Variants in CNTFR observed in about 807,000 individuals in gnomAD.
The protein encoded by CNTFR is ciliary neurotrophic factor receptor subunit alpha.
Under a neutral mutation model 40.4 loss-of-function variants are expected in CNTFR, and 12 were observed. The observed-to-expected ratio is 0.30, with a 90% CI of 0.19 to 0.48. CNTFR has a LOEUF of 0.48. Among genes scored for constraint, CNTFR ranks in the 20% least tolerant of loss-of-function variants. The probability of loss-of-function intolerance (pLI) is 0.99; values close to 1 mark genes in which losing one functional copy is unlikely to be tolerated. For missense variants in CNTFR, 414 were observed against 506.8 expected (o/e 0.82, Z 1.76); for synonymous variants, 202 against 209.6 (o/e 0.96, Z 0.31).
intron 2 of CNTFR, among the ~76,000 whole-genome samples, chr9:34,579,415 G>C (rs531421480): frequency 2.6e-5 from 4 of 152,134 alleles, no homozygotes; most frequent in South Asian, 2.1e-4. Context: ...GAGAAGGAGG[G>C]GGGTGGAGAG....
intron 3 of CNTFR, 36 bp downstream of exon 3, chr9:34,568,861 G>C: frequency 6.5e-7 from 1 of 1,544,050 alleles, no homozygotes; most frequent in Non-Finnish European, 8.8e-7. Flanking sequence ...CCAGCTCTGA[G>C]AGGGGGGTCA....
chr9:34,557,539 G>T lies in CNTFR; in HGVS notation c.591C>A (p.Asp197Glu), dbSNP rs781018193. The stretch of plus-strand genomic sequence containing the variant: ...CGCCACACGTACCAATGGTGAACTC[G>T]TCAAAGGTGATAGCTGTGGCATTGT... ...LGHNATAITF[D>E]EFTIVKPDPP... Residue 197 changes from aspartate (D) to glutamate (E), a missense_variant, in exon 6 of 10, where the codon GAC (aspartate) becomes GAA (glutamate). Coordinates refer to ENST00000378980, the MANE Select transcript of CNTFR (RefSeq NM_147164.3). The surrounding 1 kb of genome is among the most constrained non-coding windows in gnomAD (Gnocchi z 4.2). 1 of 1,614,110 alleles carries T rather than the reference G, an allele frequency of 6.2e-7. No individual in the cohort carries two copies. The highest frequency in any genetic ancestry group is 8.5e-7 in the Non-Finnish European group (1 of 1,179,974).
In CNTFR at chr9:34,552,131, C is replaced by A. The variant is rs776377706; in HGVS notation, c.1118+30G>T. 8.2e-6 allele frequency: 13 copies of A among 1,591,570 alleles called. No homozygotes were observed. In the East Asian group the frequency reaches 2.5e-4, roughly 31 times the overall value. ...GCTGGAGTGGGGGTTCCCTCAGGCT[C>A]CCTCTGCCACCCAGCCTCACTCAAC... On this transcript the variant is annotated intron_variant, in intron 9 of 9. Coordinates refer to ENST00000378980, the MANE Select transcript of CNTFR (RefSeq NM_147164.3). This position sits in a 1 kb window ranked among gnomAD's most constrained non-coding sequence, Gnocchi z 5.1.
Position 34,565,096 on chromosome 9 carries a change from T to G in CNTFR, c.86-264A>C, listed in dbSNP as rs139973863. Among the ~76,000 whole-genome samples the G allele has an allele frequency of 5.9e-3, 902 of 152,194 alleles. 2 individuals carry two copies. Among genetic ancestry groups the G allele is most frequent in the Middle Eastern group, 0.034 (10 of 294 alleles). On this transcript the variant is annotated intron_variant, in intron 3 of 9. Transcript: ENST00000378980. ...ATGTGAATGGGCGATCTTCTGTGTG[T>G]GTGTGTTTGCATGTGACAGAGAGTT...
chr9:34,555,781 C>T (rs1364035843), intron 7 of CNTFR, among the ~76,000 whole-genome samples: 1 of 152,030 alleles, frequency 6.6e-6, no homozygotes, highest in Non-Finnish European at 1.5e-5. Flanking sequence ...CGTTCCTGTC[C>T]CTTGGGGCCA....
chr9:34,585,232 G>T (rs1237425903), intron 1 of CNTFR, among the ~76,000 whole-genome samples: 1 of 152,184 alleles, frequency 6.6e-6, no homozygotes, highest in Non-Finnish European at 1.5e-5. Context: ...CCCAGTCCTT[G>T]AGTCACGTAG....
intron 4 of CNTFR, among the ~76,000 whole-genome samples, chr9:34,562,679 AC>A (rs1265910550): frequency 6.6e-6 from 1 of 152,180 alleles, no homozygotes; most frequent in Admixed American, 6.5e-5. Flanking sequence ...GGTGAACCAT[AC>A]CCAAATAAAA....
chr9:34,558,201 A>G (rs1381104678), intron 4 of CNTFR, among the ~76,000 whole-genome samples: 2 of 151,722 alleles, frequency 1.3e-5, no homozygotes, highest in African/African-American at 4.8e-5. Flanking sequence ...CGGACACGGA[A>G]CCCCCCCTCC....
intron 1 of CNTFR, among the ~76,000 whole-genome samples, chr9:34,588,667 T>C (rs1489584647): frequency 4.6e-5 from 7 of 151,846 alleles, no homozygotes; most frequent in Non-Finnish European, 7.4e-5. Flanking sequence ...AGGCGTGAAA[T>C]AGTCCTGCCC....
intron 4 of CNTFR, 120 bp from the exon 5 acceptor site, chr9:34,558,104 G>T: frequency 3.1e-6 from 2 of 650,948 alleles, no homozygotes; most frequent in Non-Finnish European, 4.8e-6. Flanking sequence ...TGATGCCAAA[G>T]TTGTGGCGGG....
chr9:34,579,320 G>A (rs955367990), intron 2 of CNTFR, among the ~76,000 whole-genome samples: 3 of 151,740 alleles, frequency 2.0e-5, no homozygotes, highest in Non-Finnish European at 4.4e-5. Flanking sequence ...CCCTCCCTCC[G>A]CCTAATGCGC....
chr9:34,584,081 G>T (rs1255749897), intron 1 of CNTFR, among the ~76,000 whole-genome samples: 1 of 152,112 alleles, frequency 6.6e-6, no homozygotes, highest in Non-Finnish European at 1.5e-5. Context: ...CTCAGAAAAG[G>T]GTAGTTGGGA....
chr9:34,586,276 G>A (rs2132270035), intron 1 of CNTFR, among the ~76,000 whole-genome samples: 2 of 152,270 alleles, frequency 1.3e-5, no homozygotes, highest in South Asian at 4.1e-4. Context: ...CAGGATAAGG[G>A]CTCAACAGGC....
intron 7 of CNTFR, among the ~76,000 whole-genome samples, chr9:34,555,750 G>A (rs894972756): frequency 6.6e-6 from 1 of 152,100 alleles, no homozygotes; most frequent in Non-Finnish European, 1.5e-5. Flanking sequence ...GGGCCCATCT[G>A]TGAGCCCTTG....
At position 34,568,996 on chromosome 9, in the gene CNTFR, C is replaced by T. The variant is rs187533508; in HGVS notation, c.1-15G>A. On this transcript the variant is annotated splice_polypyrimidine_tract_variant and intron_variant, in intron 2 of 9. Coordinates refer to ENST00000378980, the MANE Select transcript of CNTFR (RefSeq NM_147164.3). Reference sequence around the variant, plus strand: ...GGAGCAGCCATCTGTTGGGAGAAACCGGGGTGGGGGAGGGGTCAGCATCAG... The same window carrying T: ...GGAGCAGCCATCTGTTGGGAGAAACTGGGGTGGGGGAGGGGTCAGCATCAG... 18 of 1,541,692 alleles carry T rather than the reference C, an allele frequency of 1.2e-5. No homozygotes were observed. In the East Asian group the frequency reaches 1.2e-4, roughly 10 times the overall value.
chr9:34,586,300 C>T (rs1392410299), intron 1 of CNTFR, among the ~76,000 whole-genome samples: 1 of 152,206 alleles, frequency 6.6e-6, no homozygotes, highest in Non-Finnish European at 1.5e-5. Context: ...CCCAGAGACA[C>T]TGTGAGACAC....
Position 34,552,102 on chromosome 9 carries a change from G to T in CNTFR, c.*-31C>A, listed in dbSNP as rs749675002. ...GAGACAGGCAGGGGCCTGTCAGGGA[G>T]GGGGCTGGAGTGGGGGTTCCCTCAG... On this transcript the variant is annotated intron_variant, in intron 9 of 9. Coordinates refer to ENST00000378980, the MANE Select transcript of CNTFR (RefSeq NM_147164.3). This position sits in a 1 kb window ranked among gnomAD's most constrained non-coding sequence, Gnocchi z 5.1. The T allele has an allele frequency of 2.5e-6, 4 of 1,593,240 alleles. No individual in the cohort carries two copies. The African/African-American group carries it at 5.4e-5, about 21-fold the overall frequency.
At chr9:34,585,586 ACAGCT>A (rs1158641500) in intron 1 of CNTFR, among the ~76,000 whole-genome samples, 1 of 152,144 alleles carries the variant, frequency 6.6e-6, no homozygotes, top group Non-Finnish European at 1.5e-5. Flanking sequence ...CCAACCGGGC[ACAGCT>A]CTGTGCTTTG....
chr9:34,559,524 C>A lies in CNTFR; in HGVS notation c.320-1540G>T, dbSNP rs112857578. On this transcript the variant is annotated intron_variant, in intron 4 of 9. Transcript: ENST00000378980. ...TGTGTGCCTCCCTTGGGAAGCCTTC[C>A]GGGCCCTGCGTCCATCTCATGTCGT... is the stretch of plus-strand genomic sequence containing the variant. Among the ~76,000 whole-genome samples the A allele has an allele frequency of 5.1e-3, 776 of 152,290 alleles. 7 individuals are homozygous for A. Among genetic ancestry groups the A allele is most frequent in the African/African-American group, 0.018 (740 of 41,552 alleles).
Sources: gnomAD v4.1 joint callset for allele counts (sites outside exome capture counted in the v4.1 genomes callset) on GRCh38, gnomAD v4.1.1 for gene constraint, Gnocchi (gnomAD v3.1) non-coding constraint, MANE v1.5 for transcripts, NCBI Gene and HGNC (gene_info 2026-07-23, HGNC 2026-07-21) for gene names.